The following EIF3L variants were observed in gnomAD, a reference collection of about 807,000 sequenced individuals.
The protein encoded by EIF3L is eukaryotic translation initiation factor 3 subunit L, also known as eIEF associated protein HSPC021.
Under a neutral mutation model 74.6 loss-of-function variants are expected in EIF3L, and 32 were observed. The ratio of observed to expected loss-of-function variants is 0.43; its 90% CI spans 0.32 to 0.58. The LOEUF (loss-of-function observed/expected upper bound fraction) is 0.58, where lower values mean the gene tolerates loss of function less well. EIF3L is among the 20% of genes least tolerant of loss of function. The probability of loss-of-function intolerance (pLI) is 0.06; values close to 1 mark genes in which losing one functional copy is unlikely to be tolerated. For missense variants in EIF3L, 474 were observed against 707.8 expected (o/e 0.67, Z 3.75); for synonymous variants, 256 against 254.4 (o/e 1.01, Z -0.06).
In EIF3L at chr22:37,878,182, C is replaced by A. The variant is rs750216241; in HGVS notation, c.1575+11C>A. The A allele has an allele frequency of 1.3e-6, 2 of 1,586,320 alleles. No homozygotes were observed. The highest frequency in any genetic ancestry group is 1.1e-5 in the South Asian group (1 of 87,768). ...TTCTACATTGATAAGGTATGCCTGT[C>A]CCCTGGGCTTGGGGTCTTGTATTAA... is the stretch of plus-strand genomic sequence containing the variant. On this transcript the variant is annotated intron_variant, in intron 11 of 12. Coordinates refer to ENST00000652021, the MANE Select transcript of EIF3L (RefSeq NM_016091.4).
chr22:37,849,473 T>C lies in EIF3L; in HGVS notation c.24T>C (p.Tyr8=), dbSNP rs552727406. Residue 8 remains tyrosine (Y), a synonymous_variant, in exon 1 of 13, where the codon TAT becomes TAC. Transcript: ENST00000652021. ...CCATGTCTTATCCCGCTGATGATTATGAGTCTGAGGTAAGGTGGCCGTAAG... is the reference window on the plus strand; with the variant it reads ...CCATGTCTTATCCCGCTGATGATTACGAGTCTGAGGTAAGGTGGCCGTAAG... The part of the protein sequence containing the change: MSYPADD[Y]ESEAAYDPYA... The C allele has an allele frequency of 6.8e-6, 11 of 1,610,374 alleles. No individual in the cohort carries two copies. In the East Asian group the frequency reaches 2.5e-4, roughly 36 times the overall value.
chr22:37,885,829 C>T (rs970262681), intron 11 of EIF3L: 10 of 151,772 alleles, frequency 6.6e-5, no homozygotes, highest in Middle Eastern at 3.4e-3. Context: ...TTCCCAACCT[C>T]CCAAAGTGCT....
intron 4 of EIF3L, among the ~76,000 whole-genome samples, chr22:37,856,642 C>G (rs1382629963): frequency 6.6e-6 from 1 of 151,756 alleles, no homozygotes; most frequent in Middle Eastern, 3.2e-3. Context: ...GTCGGGAGTT[C>G]GAGACCAGCC....
chr22:37,887,060 C>A, intron 12 of EIF3L: 1 of 372,382 alleles, frequency 2.7e-6, no homozygotes, highest in Non-Finnish European at 5.3e-6. Flanking sequence ...TCCCGCATAG[C>A]TGGAATTACA....
At chr22:37,851,988 G>A in intron 3 of EIF3L, among the ~76,000 whole-genome samples, 1 of 152,108 alleles carries the variant, frequency 6.6e-6, no homozygotes, top group Non-Finnish European at 1.5e-5. Flanking sequence ...ATTTTTAGTA[G>A]AGACGGGGTT....
At chr22:37,877,482 A>C in intron 10 of EIF3L, 192 bp from the exon 11 acceptor site, 2 of 630,052 alleles carry the variant, frequency 3.2e-6, no homozygotes, top group Non-Finnish European at 5.3e-6. Flanking sequence ...GCTAAGGAGG[A>C]TCTGGAGCTA....
intron 3 of EIF3L, among the ~76,000 whole-genome samples, chr22:37,852,988 G>T (rs183638009): frequency 6.6e-6 from 1 of 152,298 alleles, no homozygotes; most frequent in Admixed American, 6.5e-5. Flanking sequence ...CAGCTGAAGG[G>T]TGTTGAAGTG....
intron 7 of EIF3L, among the ~76,000 whole-genome samples, chr22:37,866,613 G>A (rs1341705606): frequency 6.6e-6 from 1 of 151,960 alleles, no homozygotes; most frequent in African/African-American, 2.4e-5. Context: ...GTGAAACCCC[G>A]TCTCTACTAA....
chr22:37,856,575 T>C (rs1925519342), intron 4 of EIF3L, among the ~76,000 whole-genome samples: 1 of 152,090 alleles, frequency 6.6e-6, no homozygotes, highest in Non-Finnish European at 1.5e-5. Flanking sequence ...CCGGGCGCAG[T>C]GGCTCACGCC....
In EIF3L at chr22:37,877,737, C is replaced by T. The variant is rs771878433; in HGVS notation, c.1141C>T (p.Arg381Cys). The change falls in exon 11 of 13, where the codon CGT becomes TGT. Residue 381 changes from arginine to cysteine, a missense_variant. This residue lies in a region of EIF3L where 293 missense variants were observed against 469.1 expected (regional missense o/e 0.62). Coordinates refer to ENST00000652021, the MANE Select transcript of EIF3L (RefSeq NM_016091.4). ...CATTGCCCTCACGATGTACCCCATG[C>T]GTATTGATGAGAGCATTCACCTCCA... is the stretch of plus-strand genomic sequence containing the variant. ...LAIALTMYPM[R>C]IDESIHLQLR... 6 of 1,613,470 alleles carry T rather than the reference C, an allele frequency of 3.7e-6. No homozygotes were observed. Among genetic ancestry groups the T allele is most frequent in the Non-Finnish European group, 5.1e-6 (6 of 1,179,766 alleles).
At chr22:37,878,223 C>G (rs1926856860) in intron 11 of EIF3L, 52 bp downstream of exon 11, 11 of 1,527,952 alleles carry the variant, frequency 7.2e-6, no homozygotes, top group Non-Finnish European at 9.6e-6. Context: ...CAGTATCTTT[C>G]ATTCACTATT....
chr22:37,859,980 C>T lies in EIF3L; in HGVS notation c.435+1240C>T, dbSNP rs150511089. On this transcript the variant is annotated intron_variant, in intron 5 of 12. Coordinates refer to ENST00000652021, the MANE Select transcript of EIF3L (RefSeq NM_016091.4). ...TGAGCCGAGATCGTACCACTGCACT[C>T]CAGCCTGGGTGACAGAGTGAGACTC... Among the ~76,000 whole-genome samples the T allele has an allele frequency of 1.1e-3, 164 of 152,156 alleles. 2 individuals carry two copies. The East Asian group carries it at 0.027, about 25-fold the overall frequency.
chr22:37,851,566 G>A (rs1290117743), intron 3 of EIF3L, 76 bp downstream of exon 3: 2 of 643,256 alleles, frequency 3.1e-6, no homozygotes, highest in Admixed American at 2.5e-5. Context: ...AATGAGGTGA[G>A]CACTCTGTAA....
rs748446114 is a variant in EIF3L at position 37,888,462 on chromosome 22, T to G, written c.1693T>G (p.Ter565GlyextTer1). ...CCTGAAGAAGATGGGACAGAGACCT[T>G]GATGATATTCACACACATTCAGGAA... ...RTLKKMGQRP[*>G] Residue 565 changes from the stop codon to glycine (G), a stop_lost, in exon 13 of 13, where the codon TGA becomes GGA. Coordinates refer to ENST00000652021, the MANE Select transcript of EIF3L (RefSeq NM_016091.4). 1 of 1,613,742 alleles carries G rather than the reference T, an allele frequency of 6.2e-7. No homozygotes were observed. Among genetic ancestry groups the G allele is most frequent in the Admixed American group, 1.7e-5 (1 of 60,026 alleles).
intron 7 of EIF3L, among the ~76,000 whole-genome samples, chr22:37,868,691 G>GGA (rs985235001): frequency 1.7e-5 from 2 of 116,160 alleles, no homozygotes; most frequent in Non-Finnish European, 3.3e-5. Context: ...TGCCCAGGCT[G>GGA]GAGTGCAATG....
chr22:37,879,280 C>G (rs1461125454), intron 11 of EIF3L: 1 of 152,388 alleles, frequency 6.6e-6, no homozygotes, highest in East Asian at 1.9e-4. Flanking sequence ...ATGGACAGAT[C>G]ATGGGGTCAA....
intron 5 of EIF3L, among the ~76,000 whole-genome samples, chr22:37,860,972 T>A (rs1231917884): frequency 6.6e-6 from 1 of 152,192 alleles, no homozygotes; most frequent in African/African-American, 2.4e-5. Context: ...CTCCTGGCAA[T>A]ATTCGTGGCA....
intron 11 of EIF3L, chr22:37,884,149 A>T (rs1195411866): frequency 1.3e-5 from 2 of 152,240 alleles, no homozygotes; most frequent in East Asian, 3.8e-4. Context: ...AGATAAATGG[A>T]ATCATGTAAT....
chr22:37,851,832 AT>A lies in EIF3L; in HGVS notation c.293+349del, dbSNP rs759316790. 1.6e-3 allele frequency among the ~76,000 whole-genome samples: 250 copies of A among 152,004 alleles called. 1 individual carries two copies. Among genetic ancestry groups the A allele is most frequent in the Non-Finnish European group, 2.5e-3 (170 of 67,948 alleles). ...AGGCATGTGCCACCATGCCTAGTTAATTTTTTTGTATTTTTAGTAGAGACAG... is the reference window on the plus strand; with the variant it reads ...AGGCATGTGCCACCATGCCTAGTTAATTTTTTGTATTTTTAGTAGAGACAG... On this transcript the variant is annotated intron_variant, in intron 3 of 12. Coordinates refer to ENST00000652021, the MANE Select transcript of EIF3L (RefSeq NM_016091.4).
Sources: allele counts gnomAD v4.1 joint callset (sites outside exome capture counted in the v4.1 genomes callset), GRCh38; gene constraint gnomAD v4.1.1; regional missense constraint gnomAD v4.1.1; transcripts MANE v1.5; gene names NCBI Gene and HGNC (gene_info 2026-07-23, HGNC 2026-07-21).